Variants in HOGA1 observed in about 807,000 individuals in gnomAD.
The protein encoded by HOGA1 is 4-hydroxy-2-oxoglutarate aldolase, mitochondrial.
A neutral mutation model predicts 34.3 loss-of-function variants in HOGA1; 30 were observed. The observed-to-expected ratio is 0.87, with a 90% CI of 0.65 to 1.19. The LOEUF is 1.19. HOGA1 is among the 50% of genes most tolerant of loss of function. HOGA1 has a pLI of 0.00. For synonymous variants in HOGA1, 161 were observed against 174.0 expected (o/e 0.93, Z 0.59); for missense variants, 417 against 436.5 (o/e 0.96, Z 0.40).
rs1028128309 is a variant in HOGA1 at position 97,603,193 on chromosome 10, G to A, written c.834+1203G>A. ...ATTTTTTTGTATTTTTAGTAGAGAC[G>A]GGGTTTCACCATGTTGGCCAGGCTG... On this transcript the variant is annotated intron_variant, in intron 6 of 6. Coordinates refer to ENST00000370646, the MANE Select transcript of HOGA1 (RefSeq NM_138413.4). The surrounding 1 kb of genome is among the most constrained non-coding windows in gnomAD (Gnocchi z 4.5). Among the ~76,000 whole-genome samples, 6 of 152,036 alleles carry A rather than the reference G, an allele frequency of 3.9e-5. No individual in the cohort carries two copies. Among genetic ancestry groups the A allele is most frequent in the Admixed American group, 2.0e-4 (3 of 15,262 alleles).
At chr10:97,609,877 C>T (rs1480595471) in intron 6 of HOGA1, among the ~76,000 whole-genome samples, 1 of 152,124 alleles carries the variant, frequency 6.6e-6, no homozygotes, top group Non-Finnish European at 1.5e-5. Flanking sequence ...TGGCTTACCA[C>T]CCATTCCGAG....
chr10:97,585,059 G>C lies in HOGA1; in HGVS notation c.211+145G>C, dbSNP rs536191408. 1.6e-5 allele frequency: 11 copies of C among 704,022 alleles called. No individual in the cohort carries two copies. In the African/African-American group the frequency reaches 1.6e-4, roughly 10 times the overall value. 43.6% of individuals were successfully genotyped at this position (704,022 alleles called of 1,614,324 possible). On this transcript the variant is annotated intron_variant, in intron 1 of 6. Coordinates refer to ENST00000370646, the MANE Select transcript of HOGA1 (RefSeq NM_138413.4). Reference sequence around the variant, plus strand: ...CATTTTATTATGGGAGAGGAACAGGGGAGACTGGTCTGGAGTCAGGAGACA... The same window carrying C: ...CATTTTATTATGGGAGAGGAACAGGCGAGACTGGTCTGGAGTCAGGAGACA...
At chr10:97,605,864 T>C (rs2041153161) in intron 6 of HOGA1, among the ~76,000 whole-genome samples, 1 of 152,212 alleles carries the variant, frequency 6.6e-6, no homozygotes, top group Non-Finnish European at 1.5e-5. Context: ...AAATATCTTT[T>C]CCCAGTCTAC....
Position 97,611,816 on chromosome 10 carries a change from G to A in HOGA1, c.*157G>A. The A allele has an allele frequency of 1.2e-6, 1 of 806,120 alleles. No homozygotes were observed. Among genetic ancestry groups the A allele is most frequent in the Non-Finnish European group, 2.0e-6 (1 of 504,340 alleles). The allele number at this position is 806,120 out of a possible 1,614,324, so 49.9% of individuals were successfully genotyped here. A position where few individuals can be genotyped will look rare whatever the true frequency, so the allele number is the denominator to read the frequency against. On this transcript the variant is annotated 3_prime_UTR_variant, in exon 7 of 7. Coordinates refer to ENST00000370646, the MANE Select transcript of HOGA1 (RefSeq NM_138413.4). ...GTGGTCCTCCAGGCAGCCTTTCACA[G>A]GCACGCCCATGCATATCTCCTATTC...
At position 97,600,075 on chromosome 10, in the gene HOGA1, G is replaced by A; in HGVS notation, c.612G>A (p.Arg204=). Residue 204 remains arginine, a synonymous_variant, in exon 5 of 7, where the codon AGG becomes AGA. Transcript: ENST00000370646. Reference sequence around the variant, plus strand: ...CACATTTGCTGTTGCAGGTGACCAGGATTGGGCTGATTGTTCACAAGACCA... The same window carrying A: ...CACATTTGCTGTTGCAGGTGACCAGAATTGGGCTGATTGTTCACAAGACCA... ...GMKDSGGDVT[R]IGLIVHKTRK... 13 of 1,614,174 alleles carry A rather than the reference G, an allele frequency of 8.1e-6. No individual in the cohort carries two copies. Among genetic ancestry groups the A allele is most frequent in the Non-Finnish European group, 1.0e-5 (12 of 1,180,006 alleles).
chr10:97,604,160 A>T (rs912954251), intron 6 of HOGA1, among the ~76,000 whole-genome samples: 2 of 152,228 alleles, frequency 1.3e-5, no homozygotes, highest in African/African-American at 4.8e-5. Context: ...GTTCAAGAGT[A>T]TACTATATGG....
Position 97,611,747 on chromosome 10 carries a change from G to C in HOGA1, c.*88G>C. 1.3e-6 allele frequency: 2 copies of C among 1,493,988 alleles called. No individual in the cohort carries two copies. The highest frequency in any genetic ancestry group is 2.0e-5 in the Admixed American group (1 of 51,066). The allele number at this position is 1,493,988 out of a possible 1,614,324, so 92.5% of individuals were successfully genotyped here. ...TGAAGCGGAGAGCACAGGGGGATGA[G>C]GGTGGCAGGCAGCGGGGAGCCGATA... On this transcript the variant is annotated 3_prime_UTR_variant, in exon 7 of 7. Transcript: ENST00000370646.
chr10:97,601,626 G>A (rs2041117694), intron 5 of HOGA1, among the ~76,000 whole-genome samples: 1 of 152,210 alleles, frequency 6.6e-6, no homozygotes, highest in African/African-American at 2.4e-5. Context: ...GCCCCTCACA[G>A]ATCAGCCCTG....
intron 6 of HOGA1, chr10:97,602,653 T>C: frequency 5.8e-6 from 5 of 858,222 alleles, no homozygotes; most frequent in Non-Finnish European, 5.6e-6. Flanking sequence ...CCTCCCTCCT[T>C]TCTGTCTTTC....
At chr10:97,590,265 C>T (rs1194190229) in intron 1 of HOGA1, 9 of 1,613,764 alleles carry the variant, frequency 5.6e-6, no homozygotes, top group Middle Eastern at 1.6e-4. Context: ...GATGAGGCCA[C>T]GTGGGCCGCT....
At chr10:97,606,086 C>T (rs546858055) in intron 6 of HOGA1, among the ~76,000 whole-genome samples, 2 of 143,284 alleles carry the variant, frequency 1.4e-5, no homozygotes, top group Admixed American at 1.5e-4. Flanking sequence ...AGTTCAAGAC[C>T]TGCCTGGTCG....
In HOGA1 at chr10:97,603,279, A is replaced by AT. The variant is rs943026117; in HGVS notation, c.834+1297dup. Among the ~76,000 whole-genome samples, 13 of 150,592 alleles carry AT rather than the reference A, an allele frequency of 8.6e-5. No individual in the cohort carries two copies. Among genetic ancestry groups the AT allele is most frequent in the East Asian group, 2.0e-4 (1 of 5,062 alleles). On this transcript the variant is annotated intron_variant, in intron 6 of 6. Transcript: ENST00000370646. This position sits in a 1 kb window ranked among gnomAD's most constrained non-coding sequence, Gnocchi z 4.5. ...TCGGCCTCCCAATCTTTTTTCTTTT[A>AT]TTTTTTTTATTTTCGAAACAGGGTC...
chr10:97,593,051 A>AAAAT (rs59874414), intron 1 of HOGA1, among the ~76,000 whole-genome samples: 1 of 150,654 alleles, frequency 6.6e-6, no homozygotes, highest in African/African-American at 2.4e-5. Flanking sequence ...AAAAAAAAAA[A>AAAAT]GAGAATGGTC....
In HOGA1 at chr10:97,611,666, G is replaced by A. The variant is rs1371521318; in HGVS notation, c.*7G>A. 5.0e-6 allele frequency: 8 copies of A among 1,611,118 alleles called. No individual in the cohort carries two copies. The highest frequency in any genetic ancestry group is 6.8e-6 in the Non-Finnish European group (8 of 1,179,520). ...CAGCAACGGCTGGCTCTGAGGGCAG[G>A]CAGGGTCCATGGCTGGCCTGAGCCC... On this transcript the variant is annotated 3_prime_UTR_variant, in exon 7 of 7. Coordinates refer to ENST00000370646, the MANE Select transcript of HOGA1 (RefSeq NM_138413.4).
chr10:97,590,792 G>A, intron 1 of HOGA1: 3 of 608,434 alleles, frequency 4.9e-6, no homozygotes, highest in Admixed American at 3.0e-5. Context: ...CCTGTTGGAG[G>A]GAGAGCTGGG....
intron 1 of HOGA1, among the ~76,000 whole-genome samples, chr10:97,588,071 C>A (rs1460544710): frequency 6.6e-6 from 1 of 152,146 alleles, no homozygotes. Context: ...CTCTGCCTCC[C>A]AAAATGCTGG....
intron 1 of HOGA1, chr10:97,590,114 G>A (rs1446855247): frequency 6.2e-7 from 1 of 1,614,154 alleles, no homozygotes; most frequent in Non-Finnish European, 8.5e-7. Context: ...CAGCTCCACG[G>A]TTCACATAGA....
chr10:97,602,402 G>T (rs1374909919), intron 6 of HOGA1: 1 of 985,196 alleles, frequency 1.0e-6, no homozygotes, highest in Non-Finnish European at 1.2e-6. Context: ...GGAATGACTG[G>T]GGCTGGCAAA....
intron 1 of HOGA1, among the ~76,000 whole-genome samples, chr10:97,597,671 C>T (rs1275782960): frequency 1.3e-5 from 2 of 152,060 alleles, no homozygotes; most frequent in Admixed American, 1.3e-4. Context: ...AAATGTGGCG[C>T]ACAGTCAGGC....
Sources: gnomAD v4.1 joint callset for allele counts (sites outside exome capture counted in the v4.1 genomes callset) on GRCh38, gnomAD v4.1.1 for gene constraint, Gnocchi (gnomAD v3.1) non-coding constraint, MANE v1.5 for transcripts, NCBI Gene and HGNC (gene_info 2026-07-23, HGNC 2026-07-21) for gene names.